Variants in RAD51C observed in about 807,000 individuals in gnomAD.
RAD51C encodes the protein DNA repair protein RAD51 homolog 3.
RAD51C carries 42 observed loss-of-function variants against 45.0 expected under a neutral mutation model. The ratio of observed to expected loss-of-function variants is 0.93; its 90% CI spans 0.73 to 1.21. The LOEUF (loss-of-function observed/expected upper bound fraction) is 1.21. Among genes scored for constraint, RAD51C ranks in the 50% most tolerant of loss-of-function variants. The probability of loss-of-function intolerance (pLI) is 0.00; values close to 1 mark genes in which losing one functional copy is unlikely to be tolerated. For synonymous variants in RAD51C, 172 were observed against 159.8 expected (o/e 1.08, Z -0.58); for missense variants, 474 against 452.2 (o/e 1.05, Z -0.44).
chr17:58,705,351 G>T (rs903204571), intron 4 of RAD51C, among the ~76,000 whole-genome samples: 2 of 150,930 alleles, frequency 1.3e-5, no homozygotes, highest in Middle Eastern at 3.2e-3. Flanking sequence ...TTTTGGGGGG[G>T]GGGTGGAGTT....
chr17:58,704,898 T>TTTAA (rs1241010604), intron 4 of RAD51C, among the ~76,000 whole-genome samples: 92 of 152,010 alleles, frequency 6.1e-4, no homozygotes, highest in Non-Finnish European at 1.2e-3. Flanking sequence ...TTTTATTTAT[T>TTTAA]TTAATTAATT....
In RAD51C at chr17:58,695,078, G is replaced by C. The variant is rs1060502586; in HGVS notation, c.293G>C (p.Gly98Ala). Reference sequence around the variant, plus strand: ...CTTCTTGAGCAGGAGCATACCCAGGGCTTCATAATCACCTTCTGTTCAGCA... The same window carrying C: ...CTTCTTGAGCAGGAGCATACCCAGGCCTTCATAATCACCTTCTGTTCAGCA... Reference protein sequence around the residue: ...LELLEQEHTQGFIITFCSALD... With the variant: ...LELLEQEHTQAFIITFCSALD... Residue 98 changes from glycine to alanine, a missense_variant, in exon 2 of 9, where the codon GGC (glycine) becomes GCC (alanine). Transcript: ENST00000337432. 1 of 1,614,058 alleles carries C rather than the reference G, an allele frequency of 6.2e-7. No individual in the cohort carries two copies. Among genetic ancestry groups the C allele is most frequent in the Admixed American group, 1.7e-5 (1 of 59,998 alleles).
chr17:58,701,237 G>C (rs1472197203), intron 3 of RAD51C, among the ~76,000 whole-genome samples: 2 of 52 alleles, frequency 0.038, no homozygotes, highest in African/African-American at 0.11. Flanking sequence ...GCCGGGTGTG[G>C]TGACTCACTG....
At chr17:58,707,572 T>C (rs1300484565) in intron 4 of RAD51C, among the ~76,000 whole-genome samples, 1 of 151,736 alleles carries the variant, frequency 6.6e-6, no homozygotes, top group Middle Eastern at 3.2e-3. Flanking sequence ...ATATTTTCAG[T>C]ATGTGCCTCA....
At chr17:58,725,278 G>T (rs547727798) in intron 7 of RAD51C, among the ~76,000 whole-genome samples, 2 of 152,018 alleles carry the variant, frequency 1.3e-5, no homozygotes, top group Non-Finnish European at 2.9e-5. Context: ...GTAAGTTGCT[G>T]TATACTAGAG....
At chr17:58,717,998 C>A (rs545832324) in intron 5 of RAD51C, among the ~76,000 whole-genome samples, 1 of 152,042 alleles carries the variant, frequency 6.6e-6, no homozygotes, top group East Asian at 1.9e-4. Context: ...TCGCAGTTTT[C>A]TTTTTCTTTT....
intron 3 of RAD51C, among the ~76,000 whole-genome samples, chr17:58,697,210 A>G (rs2048048562): frequency 6.6e-6 from 1 of 152,212 alleles, no homozygotes; most frequent in African/African-American, 2.4e-5. Context: ...AAGGACTTCC[A>G]TATTGGTTTT....
rs73329066 is a variant in RAD51C at position 58,715,632 on chromosome 17, G to A, written c.838-5114G>A. Among the ~76,000 whole-genome samples the A allele has an allele frequency of 9.1e-3, 1,388 of 152,000 alleles. 23 individuals are homozygous for A. The highest frequency in any genetic ancestry group is 0.031 in the African/African-American group (1,277 of 41,448). On this transcript the variant is annotated intron_variant, in intron 5 of 8. Coordinates refer to ENST00000337432, the MANE Select transcript of RAD51C (RefSeq NM_058216.3). ...TTATGTCTGACTTCTTTCACTTAGC[G>A]TGATGTTTTCAAGGTTTATCTGTAT...
At chr17:58,697,989 G>A (rs1489777901) in intron 3 of RAD51C, among the ~76,000 whole-genome samples, 1 of 151,952 alleles carries the variant, frequency 6.6e-6, no homozygotes. Flanking sequence ...TGGGATTACG[G>A]GCGTGAGCCA....
chr17:58,713,922 G>A (rs550122900), intron 5 of RAD51C, among the ~76,000 whole-genome samples: 2 of 152,186 alleles, frequency 1.3e-5, no homozygotes, highest in East Asian at 3.9e-4. Context: ...CCATAGGCAT[G>A]AGCCACTGTG....
chr17:58,708,364 C>T (rs304283), intron 4 of RAD51C, among the ~76,000 whole-genome samples: 36,386 of 151,908 alleles, frequency 0.24, 5,255 homozygotes, highest in Middle Eastern at 0.42. Context: ...ACATAACCTC[C>T]AAGAGAGCAG....
intron 7 of RAD51C, among the ~76,000 whole-genome samples, chr17:58,728,073 T>G (rs1004148881): frequency 6.6e-6 from 1 of 151,848 alleles, no homozygotes; most frequent in African/African-American, 2.4e-5. Context: ...GGAAACTGTG[T>G]CTCTACTAAA....
intron 5 of RAD51C, among the ~76,000 whole-genome samples, chr17:58,712,192 C>CA (rs2048578539): frequency 6.6e-6 from 1 of 151,350 alleles, no homozygotes; most frequent in African/African-American, 2.4e-5. Context: ...ACTAAAAATA[C>CA]AAAAAATAGT....
intron 6 of RAD51C, among the ~76,000 whole-genome samples, chr17:58,722,387 A>G (rs990434437): frequency 6.6e-5 from 10 of 152,204 alleles, no homozygotes; most frequent in African/African-American, 2.4e-4. Flanking sequence ...TCTTCAGTAC[A>G]GTAGCCCTTG....
In RAD51C at chr17:58,703,216, G is replaced by A. The variant is rs2143797075; in HGVS notation, c.592G>A (p.Asp198Asn). The A allele has an allele frequency of 6.2e-7, 1 of 1,611,646 alleles. No homozygotes were observed. The highest frequency in any genetic ancestry group is 8.5e-7 in the Non-Finnish European group (1 of 1,177,938). Residue 198 changes from aspartate to asparagine, a missense_variant, in exon 4 of 9, where the codon GAT becomes AAT. Transcript: ENST00000337432. ...KGEEHRKALE[D>N]FTLDNILSHI... ...TTCAGAACACCGAAAAGCTTTGGAG[G>A]ATTTCACTCTTGATAATATTCTTTC...
At chr17:58,712,752 G>A (rs1244416441) in intron 5 of RAD51C, among the ~76,000 whole-genome samples, 2 of 152,002 alleles carry the variant, frequency 1.3e-5, no homozygotes, top group Non-Finnish European at 2.9e-5. Flanking sequence ...CCCGGGAGGC[G>A]GAGCTTGCAG....
intron 5 of RAD51C, among the ~76,000 whole-genome samples, chr17:58,711,743 A>T (rs1296408244): frequency 6.6e-6 from 1 of 151,946 alleles, no homozygotes; most frequent in Non-Finnish European, 1.5e-5. Flanking sequence ...AAGTACTAGG[A>T]TTACATGCAT....
chr17:58,700,961 A>G (rs1220666701), intron 3 of RAD51C, among the ~76,000 whole-genome samples: 2 of 152,118 alleles, frequency 1.3e-5, no homozygotes, highest in Non-Finnish European at 2.9e-5. Context: ...CAGTGGCATG[A>G]TCACAATTCA....
chr17:58,705,408 A>C (rs1028439008), intron 4 of RAD51C, among the ~76,000 whole-genome samples: 94 of 151,374 alleles, frequency 6.2e-4, no homozygotes, highest in Non-Finnish European at 2.9e-5. Flanking sequence ...ATCTCAGCTC[A>C]CTACAACCTC....
Sources: gnomAD v4.1 joint callset for allele counts (sites outside exome capture counted in the v4.1 genomes callset) on GRCh38, gnomAD v4.1.1 for gene constraint, MANE v1.5 for transcripts, NCBI Gene and HGNC (gene_info 2026-07-23, HGNC 2026-07-21) for gene names.